OSGEP: variants seen among roughly 807,000 people sequenced by gnomAD.
The protein encoded by OSGEP is O-sialoglycoprotein endopeptidase.
OSGEP carries 39 observed loss-of-function variants against 44.1 expected under a neutral mutation model. The ratio of observed to expected loss-of-function variants is 0.88; its 90% CI spans 0.69 to 1.16. The LOEUF (loss-of-function observed/expected upper bound fraction) is 1.16, where lower values mean the gene tolerates loss of function less well. Ranked by LOEUF, OSGEP falls within the 50% of genes most tolerant of loss-of-function variation. The pLI, the probability that OSGEP is intolerant of heterozygous loss-of-function variation, is 0.00. For synonymous variants in OSGEP, 139 were observed against 161.9 expected (o/e 0.86, Z 1.07); for missense variants, 403 against 443.1 (o/e 0.91, Z 0.81).
chr14:20,452,570 T>C, intron 1 of OSGEP, 122 bp from the exon 2 acceptor site: 1 of 856,012 alleles, frequency 1.2e-6, no homozygotes, highest in Non-Finnish European at 1.8e-6. Flanking sequence ...TCCCCAAGCA[T>C]CCTATCTTCC....
intron 1 of OSGEP, among the ~76,000 whole-genome samples, chr14:20,453,153 C>T (rs1881148126): frequency 1.3e-5 from 2 of 152,100 alleles, no homozygotes; most frequent in African/African-American, 2.4e-5. Context: ...TTTTATTTAT[C>T]TTTGTATTCC....
chr14:20,454,713 ACTC>A lies in OSGEP; in HGVS notation c.-33_-31del, dbSNP rs777125782. The A allele has an allele frequency of 3.9e-6, 6 of 1,529,302 alleles. No individual in the cohort carries two copies. Among genetic ancestry groups the A allele is most frequent in the Non-Finnish European group, 5.4e-6 (6 of 1,104,972 alleles). The allele number at this position is 1,529,302 out of a possible 1,614,324, so 94.7% of individuals were successfully genotyped here. On this transcript the variant is annotated 5_prime_UTR_variant, in exon 1 of 11. Coordinates refer to ENST00000206542, the MANE Select transcript of OSGEP (RefSeq NM_017807.4). ...GAGGCTGGGAGAAAACGCCGACAGG[ACTC>A]CTGGCAATGTCAGGAGCTGTGGAGG...
intron 1 of OSGEP, among the ~76,000 whole-genome samples, chr14:20,453,322 A>G (rs1881152947): frequency 6.6e-6 from 1 of 152,058 alleles, no homozygotes; most frequent in Non-Finnish European, 1.5e-5. Flanking sequence ...GTAGCAAGAT[A>G]TAATAGCTTA....
rs1464169578 is a variant in OSGEP, at chr14:20,452,228, G to A, written c.236-79C>T. ...TGGGGGACATAAGGGATGTGAGGTG[G>A]GGTAGGGGTAGTGATGGTGGCAGAG... On this transcript the variant is annotated intron_variant, in intron 2 of 10. Transcript: ENST00000206542. The A allele has an allele frequency of 1.3e-5, 21 of 1,579,696 alleles. No homozygotes were observed. The East Asian group carries it at 2.7e-4, about 20-fold the overall frequency.
rs1273773294 is a variant in OSGEP, at chr14:20,446,540, T to C, written c.*700A>G. Reference sequence around the variant, plus strand: ...CAACCTCAAACTCCTGGGCTCAAGCTATCTTCCCGCCTCAGCCTCCCTTGG... The same window carrying C: ...CAACCTCAAACTCCTGGGCTCAAGCCATCTTCCCGCCTCAGCCTCCCTTGG... On this transcript the variant is annotated 3_prime_UTR_variant, in exon 11 of 11. Transcript: ENST00000206542. The C allele has an allele frequency of 6.6e-6, 1 of 152,176 alleles. No individual in the cohort carries two copies. The highest frequency in any genetic ancestry group is 1.5e-5 in the Non-Finnish European group (1 of 68,050). 9.4% of individuals were successfully genotyped at this position (152,176 alleles called of 1,614,324 possible).
chr14:20,452,566 A>G, intron 1 of OSGEP, 118 bp from the exon 2 acceptor site: 1 of 905,926 alleles, frequency 1.1e-6, no homozygotes, highest in Non-Finnish European at 1.7e-6. Context: ...ACTTTCCCCA[A>G]GCATCCTATC....
chr14:20,449,218 C>G lies in OSGEP; in HGVS notation c.460G>C (p.Asp154His). ...HRYRIFGETI[D>H]IAVGNCLDRF... ...TCCAGACAATTACCCACTGCAATAT[C>G]GATGGTTTCCCCAAAGATACGGTAA... Residue 154 changes from aspartate (D) to histidine (H), a missense_variant, in exon 4 of 11, where the codon GAT becomes CAT. Physicochemically the swap from Asp to His is moderately conservative, Grantham distance 81 (BLOSUM62 -1). Transcript: ENST00000206542. 1 of 1,613,528 alleles carries G rather than the reference C, an allele frequency of 6.2e-7. No homozygotes were observed.
At chr14:20,453,347 T>G (rs1369530167) in intron 1 of OSGEP, among the ~76,000 whole-genome samples, 1 of 148,334 alleles carries the variant, frequency 6.7e-6, no homozygotes, top group Non-Finnish European at 1.5e-5. Context: ...AAATATCAAT[T>G]AAAAGTTGTA....
At chr14:20,448,586 T>G in intron 6 of OSGEP, 147 bp downstream of exon 6, 1 of 641,248 alleles carries the variant, frequency 1.6e-6, no homozygotes, top group Non-Finnish European at 2.7e-6. Flanking sequence ...AATGAATACC[T>G]TCTAAATGAA....
rs2139291009 is a variant in OSGEP at position 20,449,177 on chromosome 14, C to T, written c.501G>A (p.Val167=). Reference sequence around the variant, plus strand: ...TGCAGCCCCACTGGCTTACCTTCAGCACTCGAGCAAAACGATCCAGACAAT... The same window carrying T: ...TGCAGCCCCACTGGCTTACCTTCAGTACTCGAGCAAAACGATCCAGACAAT... The part of the protein sequence containing the change: ...VGNCLDRFAR[V]LKISNDPSPG... The change falls in exon 4 of 11, where the codon GTG becomes GTA. Residue 167 remains valine, a synonymous_variant. Transcript: ENST00000206542. The T allele has an allele frequency of 2.5e-6, 4 of 1,608,882 alleles. No individual in the cohort carries two copies. The highest frequency in any genetic ancestry group is 3.4e-6 in the Non-Finnish European group (4 of 1,175,192).
chr14:20,454,014 G>A (rs904529734), intron 1 of OSGEP, among the ~76,000 whole-genome samples: 4 of 151,886 alleles, frequency 2.6e-5, no homozygotes, highest in African/African-American at 9.7e-5. Context: ...GCAAGACTCT[G>A]TCTCAAAAAA....
chr14:20,447,269 C>G lies in OSGEP; in HGVS notation c.979G>C (p.Asp327His). The part of the protein sequence containing the change: ...DSGVTQRYRT[D>H]EVEVTWRD ...TCCCTCCAGGTCACCTCTACTTCAT[C>G]TGTCCGATACCTGTGGAAAAACAGA... The change falls in exon 11 of 11, where the codon GAT becomes CAT. Residue 327 changes from aspartate (D) to histidine (H), a missense_variant. Physicochemically the swap from Asp to His is moderately conservative, Grantham distance 81. Coordinates refer to ENST00000206542, the MANE Select transcript of OSGEP (RefSeq NM_017807.4). The G allele has an allele frequency of 6.2e-7, 1 of 1,614,170 alleles. No homozygotes were observed. Among genetic ancestry groups the G allele is most frequent in the Non-Finnish European group, 8.5e-7 (1 of 1,179,984 alleles).
rs772636619 is a variant in OSGEP, at chr14:20,454,589, T to G, written c.95A>C (p.Tyr32Ser). 6.2e-7 allele frequency: 1 copy of G among 1,613,774 alleles called. No homozygotes were observed. Among genetic ancestry groups the G allele is most frequent in the Non-Finnish European group, 8.5e-7 (1 of 1,179,610 alleles). ...CCAACCTGTGCCAGGAGGCGTGACGTAAGTCCGCCGCGGGTTCGCCAGCAC... is the reference window on the plus strand; with the variant it reads ...CCAACCTGTGCCAGGAGGCGTGACGGAAGTCCGCCGCGGGTTCGCCAGCAC... Reference protein sequence around the residue: ...GKVLANPRRTYVTPPGTGFLP... With the variant: ...GKVLANPRRTSVTPPGTGFLP... Residue 32 changes from tyrosine to serine, a missense_variant, in exon 1 of 11, where the codon TAC (tyrosine) becomes TCC (serine). By Grantham distance (144) the Tyr-to-Ser change is moderately radical. Coordinates refer to ENST00000206542, the MANE Select transcript of OSGEP (RefSeq NM_017807.4).
At chr14:20,447,301 A>T in intron 10 of OSGEP, 22 bp from the exon 11 acceptor site, 2 of 1,613,950 alleles carry the variant, frequency 1.2e-6, no homozygotes, top group Non-Finnish European at 1.7e-6. Context: ...CAGAAGAAAC[A>T]TGGTGGAGAG....
chr14:20,454,777 A>G lies in OSGEP; in HGVS notation c.-94T>C, dbSNP rs1291272456. ...TCCGCGCTGGGCCGCAGCTTTCCGG[A>G]GCGCAGAGGAAGCTGGCCAGCCTGC... is the stretch of plus-strand genomic sequence containing the variant. On this transcript the variant is annotated 5_prime_UTR_variant, in exon 1 of 11. Transcript: ENST00000206542. The G allele has an allele frequency of 6.7e-6, 6 of 900,606 alleles. No homozygotes were observed. The African/African-American group carries it at 8.4e-5, about 13-fold the overall frequency. 55.8% of individuals were successfully genotyped at this position (900,606 alleles called of 1,614,324 possible).
chr14:20,448,349 G>A (rs1204636447), intron 6 of OSGEP, among the ~76,000 whole-genome samples, 178 bp from the exon 7 acceptor site: 1 of 152,144 alleles, frequency 6.6e-6, no homozygotes, highest in African/African-American at 2.4e-5. Flanking sequence ...TTTCATTTAA[G>A]ATGCAATCAT....
intron 3 of OSGEP, 141 bp from the exon 4 acceptor site, chr14:20,449,407 A>C: frequency 1.5e-6 from 1 of 649,894 alleles, no homozygotes; most frequent in Non-Finnish European, 2.8e-6. Flanking sequence ...CCAAATGGTG[A>C]ATGGGTAGTT....
intron 4 of OSGEP, 26 bp downstream of exon 4, chr14:20,449,145 T>C (rs1218657585): frequency 5.1e-6 from 8 of 1,566,344 alleles, no homozygotes; most frequent in South Asian, 3.3e-5. Flanking sequence ...CCACATTTTA[T>C]GTTCTCTGCA....
In OSGEP at chr14:20,452,351, G is replaced by A. The variant is rs767992120; in HGVS notation, c.213C>T (p.Ile71=). The A allele has an allele frequency of 6.2e-6, 10 of 1,613,758 alleles. No individual in the cohort carries two copies. The highest frequency in any genetic ancestry group is 1.3e-5 in the African/African-American group (1 of 74,866). ...LTESGLTSQD[I]DCIAYTKGPG... ...TACCCTTGGTGTATGCAATGCAGTCGATATCCTGGGAGGTTAATCCAGACT... is the reference window on the plus strand; with the variant it reads ...TACCCTTGGTGTATGCAATGCAGTCAATATCCTGGGAGGTTAATCCAGACT... Residue 71 remains isoleucine, a synonymous_variant, in exon 2 of 11, where the codon ATC becomes ATT. Transcript: ENST00000206542.
Sources: allele counts gnomAD v4.1 joint callset (sites outside exome capture counted in the v4.1 genomes callset), GRCh38; gene constraint gnomAD v4.1.1; transcripts MANE v1.5; gene names NCBI Gene and HGNC (gene_info 2026-07-23, HGNC 2026-07-21).